Variants in SLC30A8 observed in about 807,000 individuals in gnomAD.
SLC30A8 encodes proton-coupled zinc antiporter SLC30A8.
A neutral mutation model predicts 36.9 loss-of-function variants in SLC30A8; 27 were observed. The observed-to-expected ratio is 0.73, with a 90% CI of 0.54 to 1.01. SLC30A8 has a LOEUF of 1.01. Among genes scored for constraint, SLC30A8 ranks in the 50% least tolerant of loss-of-function variants. The pLI, the probability that SLC30A8 is intolerant of heterozygous loss-of-function variation, is 0.00. For missense variants in SLC30A8, 439 were observed against 452.0 expected (o/e 0.97, Z 0.26); for synonymous variants, 164 against 172.4 (o/e 0.95, Z 0.38).
chr8:117,010,470 A>G (rs775383548), intron 1 of SLC30A8, among the ~76,000 whole-genome samples: 11 of 152,218 alleles, frequency 7.2e-5, no homozygotes, highest in African/African-American at 1.4e-4. Flanking sequence ...TGAAAGTTCA[A>G]TGAGTTTTAC....
In SLC30A8 at chr8:116,994,811, CAT is replaced by C. The variant is rs559356964; in HGVS notation, c.-266+43693_-266+43694del. On this transcript the variant is annotated intron_variant, in intron 1 of 10. Coordinates refer to the SLC30A8 transcript ENST00000427715. ...GCGAAGTTAGTCCTCAAAATTTTAA[CAT>C]GTATAATTCATGTACTTTGAGGCAT... Among the ~76,000 whole-genome samples the C allele has an allele frequency of 4.2e-4, 64 of 152,182 alleles. 1 individual carries two copies. In the South Asian group the frequency reaches 0.013, roughly 31 times the overall value.
At chr8:117,156,159 C>T (rs73317641) in intron 3 of SLC30A8, among the ~76,000 whole-genome samples, 16,920 of 152,042 alleles carry the variant, frequency 0.11, 1,687 homozygotes, top group African/African-American at 0.27. Context: ...CCTGCCTCAA[C>T]GTCCTGAGTA....
intron 1 of SLC30A8, among the ~76,000 whole-genome samples, chr8:117,020,090 G>A (rs1816653350): frequency 6.6e-6 from 1 of 152,206 alleles, no homozygotes; most frequent in Admixed American, 6.5e-5. Context: ...GTCATAGGAG[G>A]AGAGGACTCT....
chr8:116,987,301 G>T (rs1815478407), intron 1 of SLC30A8, among the ~76,000 whole-genome samples: 1 of 128,052 alleles, frequency 7.8e-6, no homozygotes, highest in Non-Finnish European at 1.6e-5. Context: ...GTGGGGTGGG[G>T]TGGGGGGAGG....
At chr8:117,022,170 G>A (rs1352228412) in intron 1 of SLC30A8, among the ~76,000 whole-genome samples, 3 of 150,142 alleles carry the variant, frequency 2.0e-5, no homozygotes, top group African/African-American at 7.4e-5. Context: ...ACTGCTGTCC[G>A]GCCTGGGCAA....
At chr8:117,053,150 T>G (rs1424848731) in intron 2 of SLC30A8, among the ~76,000 whole-genome samples, 1 of 152,104 alleles carries the variant, frequency 6.6e-6, no homozygotes, top group Non-Finnish European at 1.5e-5. Context: ...CCTGGCCTCG[T>G]GATCTGCCGG....
chr8:117,094,872 C>T (rs1365275108), intron 2 of SLC30A8, among the ~76,000 whole-genome samples: 2 of 152,228 alleles, frequency 1.3e-5, no homozygotes, highest in African/African-American at 4.8e-5. Context: ...CTTGTTGGCA[C>T]CCAAAGTCCA....
At chr8:117,094,455 C>T (rs4433184) in intron 2 of SLC30A8, among the ~76,000 whole-genome samples, 5 of 151,972 alleles carry the variant, frequency 3.3e-5, no homozygotes, top group African/African-American at 4.8e-5. Context: ...TGGAATGGGC[C>T]GCTCCTCTCT....
In SLC30A8 at chr8:117,175,738, A is replaced by ACTT. The variant is rs974628918; in HGVS notation, c.*3058_*3060dup. 5.9e-5 allele frequency: 9 copies of ACTT among 152,070 alleles called. No homozygotes were observed. The highest frequency in any genetic ancestry group is 2.2e-4 in the African/African-American group (9 of 41,430). 9.4% of individuals were successfully genotyped at this position (152,070 alleles called of 1,614,324 possible). On this transcript the variant is annotated 3_prime_UTR_variant, in exon 8 of 8. Transcript: ENST00000456015. The stretch of plus-strand genomic sequence containing the variant: ...GGGCACAGAATTTTAAATCATCTCA[A>ACTT]CTTTTGAGAAATTTTGAGTTATCAA...
At chr8:116,951,169 G>A (rs1173209962) in intron 1 of SLC30A8, 1 of 152,182 alleles carries the variant, frequency 6.6e-6, no homozygotes, top group East Asian at 1.9e-4. Context: ...GTAGAAACTT[G>A]TAGAGTAAGG....
chr8:117,040,833 G>A (rs1165280412), intron 2 of SLC30A8, among the ~76,000 whole-genome samples: 2 of 152,032 alleles, frequency 1.3e-5, no homozygotes, highest in African/African-American at 4.8e-5. Context: ...AAGCTTCTTA[G>A]CAATGCCGAG....
At chr8:117,053,999 A>G (rs1250655368) in intron 2 of SLC30A8, among the ~76,000 whole-genome samples, 1 of 152,076 alleles carries the variant, frequency 6.6e-6, no homozygotes, top group Non-Finnish European at 1.5e-5. Context: ...TGCTCTTTCC[A>G]TTATGTTGCA....
intron 2 of SLC30A8, among the ~76,000 whole-genome samples, chr8:117,081,768 C>G (rs1818684761): frequency 6.6e-6 from 1 of 152,170 alleles, no homozygotes; most frequent in Admixed American, 6.5e-5. Flanking sequence ...TAAGTAAAGT[C>G]TTCCAATTTC....
Position 117,171,086 on chromosome 8 carries a change from C to CA in SLC30A8, c.882_883insA (p.Asp295ArgfsTer42), listed in dbSNP as rs1563642499. 3 of 1,612,150 alleles carry CA rather than the reference C, an allele frequency of 1.9e-6. No homozygotes were observed. Among genetic ancestry groups the CA allele is most frequent in the Non-Finnish European group, 2.5e-6 (3 of 1,179,104 alleles). ...GTGTGAAAGAGCTTATTTTAGCAGT[C>CA]GACGGGGTGCTGTCTGTGCACAGCC... On this transcript the variant is annotated frameshift_variant, in exon 7 of 8. Coordinates refer to ENST00000456015, the MANE Select transcript of SLC30A8 (RefSeq NM_173851.3). LOFTEE classifies it high-confidence loss of function.
At chr8:117,118,365 G>T (rs558229205) in intron 2 of SLC30A8, among the ~76,000 whole-genome samples, 229 of 151,924 alleles carry the variant, frequency 1.5e-3, no homozygotes, top group Non-Finnish European at 2.6e-3. Context: ...AGGTTATATG[G>T]TTATTTCAAA....
intron 2 of SLC30A8, among the ~76,000 whole-genome samples, chr8:117,116,924 G>T (rs531062903): frequency 2.0e-5 from 3 of 152,150 alleles, no homozygotes; most frequent in Admixed American, 2.0e-4. Context: ...CTTCTTAGAA[G>T]TCCTGAAACT....
At chr8:117,037,394 G>A (rs1254678369) in intron 1 of SLC30A8, among the ~76,000 whole-genome samples, 2 of 152,302 alleles carry the variant, frequency 1.3e-5, no homozygotes, top group African/African-American at 4.8e-5. Flanking sequence ...TGGAATCCTA[G>A]CACCTTTTGG....
intron 3 of SLC30A8, 111 bp from the exon 4 acceptor site, chr8:117,157,580 A>T: frequency 1.7e-6 from 2 of 1,198,766 alleles, no homozygotes; most frequent in Non-Finnish European, 2.4e-6. Flanking sequence ...GGATGAACTA[A>T]TGTGAAGCCT....
chr8:117,045,566 A>G (rs1454804843), intron 2 of SLC30A8, among the ~76,000 whole-genome samples: 1 of 152,166 alleles, frequency 6.6e-6, no homozygotes, highest in East Asian at 1.9e-4. Flanking sequence ...ATAAACAGGC[A>G]GTGTCTGTTA....
Sources: allele counts gnomAD v4.1 joint callset (sites outside exome capture counted in the v4.1 genomes callset), GRCh38; gene constraint gnomAD v4.1.1; transcripts MANE v1.5; gene names NCBI Gene and HGNC (gene_info 2026-07-23, HGNC 2026-07-21).